Variants in CNTNAP2 observed in about 807,000 individuals in gnomAD.
The protein encoded by CNTNAP2 is contactin-associated protein-like 2.
A neutral mutation model predicts 155.2 loss-of-function variants in CNTNAP2; 98 were observed. That is an observed-to-expected ratio of 0.63 (90% CI 0.54 to 0.75). The LOEUF is 0.75. Among genes scored for constraint, CNTNAP2 ranks in the 30% least tolerant of loss-of-function variants. CNTNAP2 has a pLI of 0.00. For synonymous variants in CNTNAP2, 651 were observed against 631.2 expected (o/e 1.03, Z -0.47); for missense variants, 1,727 against 1,688.1 (o/e 1.02, Z -0.40).
chr7:146,724,966 C>T (rs920902560), intron 1 of CNTNAP2, among the ~76,000 whole-genome samples: 1 of 152,084 alleles, frequency 6.6e-6, no homozygotes, highest in South Asian at 2.1e-4. Flanking sequence ...TGTATTCTCT[C>T]ACAGTGTGGA....
intron 9 of CNTNAP2, among the ~76,000 whole-genome samples, chr7:147,367,932 G>T (rs1796263462): frequency 6.6e-6 from 1 of 151,738 alleles, no homozygotes; most frequent in South Asian, 2.1e-4. Context: ...GTCCTTCCAG[G>T]CATGGTTGAT....
chr7:147,422,765 A>C (rs1246035352), intron 10 of CNTNAP2, among the ~76,000 whole-genome samples: 1 of 152,192 alleles, frequency 6.6e-6, no homozygotes. Flanking sequence ...AACATATCAG[A>C]GTTACCTCCT....
At chr7:148,351,275 G>A (rs1462598252) in intron 21 of CNTNAP2, among the ~76,000 whole-genome samples, 1 of 152,060 alleles carries the variant, frequency 6.6e-6, no homozygotes, top group Non-Finnish European at 1.5e-5. Context: ...GACCAACTTG[G>A]TTAAGTTGGT....
At chr7:147,081,624 TG>T (rs1800132100) in intron 4 of CNTNAP2, 3 of 151,780 alleles carry the variant, frequency 2.0e-5, no homozygotes, top group African/African-American at 7.4e-5. Context: ...TGTGTGTGTG[TG>T]TGTATTTTTA....
intron 13 of CNTNAP2, among the ~76,000 whole-genome samples, chr7:147,824,546 C>T (rs1287708101): frequency 2.0e-5 from 3 of 152,042 alleles, no homozygotes; most frequent in Non-Finnish European, 4.4e-5. Context: ...TCAGAAGGAA[C>T]GAGTTTTGGC....
intron 15 of CNTNAP2, among the ~76,000 whole-genome samples, chr7:148,058,091 C>G (rs1031347504): frequency 1.3e-5 from 2 of 151,848 alleles, no homozygotes; most frequent in African/African-American, 4.8e-5. Flanking sequence ...GTACTTAAAA[C>G]AAAAACTAGC....
intron 1 of CNTNAP2, among the ~76,000 whole-genome samples, chr7:146,604,790 T>A (rs960167275): frequency 7.0e-6 from 1 of 143,608 alleles, no homozygotes; most frequent in Non-Finnish European, 1.5e-5. Flanking sequence ...TGGATGAAAT[T>A]GGAAATCATC....
intron 13 of CNTNAP2, among the ~76,000 whole-genome samples, chr7:147,674,756 A>G (rs1795841625): frequency 6.6e-6 from 1 of 152,164 alleles, no homozygotes; most frequent in South Asian, 2.1e-4. Context: ...ATAGGTTGTT[A>G]CATTTTTTTC....
chr7:148,388,311 T>C (rs2463236), intron 22 of CNTNAP2, among the ~76,000 whole-genome samples: 47,774 of 115,966 alleles, frequency 0.41, 10,647 homozygotes, highest in East Asian at 0.7. Flanking sequence ...CACCCCACAA[T>C]AGTCCCCAGA....
chr7:147,411,997 T>A (rs1797110998), intron 10 of CNTNAP2, among the ~76,000 whole-genome samples: 1 of 152,208 alleles, frequency 6.6e-6, no homozygotes, highest in African/African-American at 2.4e-5. Context: ...CTCCAAAAAT[T>A]TAAAATATAG....
intron 1 of CNTNAP2, among the ~76,000 whole-genome samples, chr7:146,348,577 C>G (rs920479672): frequency 4.6e-5 from 7 of 151,982 alleles, no homozygotes; most frequent in Admixed American, 6.6e-5. Context: ...TACTTGAAAA[C>G]TTTTCTCTAG....
chr7:148,268,338 T>G (rs1796711728), intron 21 of CNTNAP2, among the ~76,000 whole-genome samples: 1 of 151,330 alleles, frequency 6.6e-6, no homozygotes, highest in South Asian at 2.1e-4. Context: ...AAATGAGGAG[T>G]GAGTAGGAGA....
At chr7:147,172,891 C>A (rs1302076965) in intron 8 of CNTNAP2, among the ~76,000 whole-genome samples, 3 of 152,090 alleles carry the variant, frequency 2.0e-5, no homozygotes, top group Admixed American at 1.3e-4. Context: ...ATATTTAAAC[C>A]CTGCTTCTTT....
chr7:147,357,432 T>A (rs1796082698), intron 9 of CNTNAP2, among the ~76,000 whole-genome samples: 1 of 152,084 alleles, frequency 6.6e-6, no homozygotes, highest in South Asian at 2.1e-4. Flanking sequence ...CTCCTCTTCA[T>A]GGGAAGTCTT....
intron 1 of CNTNAP2, among the ~76,000 whole-genome samples, chr7:146,666,697 G>A (rs1800201376): frequency 6.6e-6 from 1 of 152,162 alleles, no homozygotes. Flanking sequence ...CATCCTAACT[G>A]GGGTCAGATG....
intron 14 of CNTNAP2, among the ~76,000 whole-genome samples, chr7:147,905,312 T>A (rs1390504474): frequency 6.6e-6 from 1 of 152,172 alleles, no homozygotes; most frequent in Non-Finnish European, 1.5e-5. Context: ...GCTGGTTCAT[T>A]GTCCAGGCAG....
intron 1 of CNTNAP2, among the ~76,000 whole-genome samples, chr7:146,334,258 C>T (rs1442473233): frequency 6.6e-5 from 10 of 151,986 alleles, no homozygotes; most frequent in Admixed American, 5.9e-4. Flanking sequence ...GGTGAAACCC[C>T]GTCTCTACTA....
intron 1 of CNTNAP2, among the ~76,000 whole-genome samples, chr7:146,575,185 C>G (rs1798505164): frequency 6.6e-6 from 1 of 152,098 alleles, no homozygotes; most frequent in African/African-American, 2.4e-5. Context: ...GGTGTGATCT[C>G]AGCTCACTGC....
At chr7:148,039,714 T>C (rs1335865201) in intron 15 of CNTNAP2, among the ~76,000 whole-genome samples, 1 of 152,218 alleles carries the variant, frequency 6.6e-6, no homozygotes, top group Non-Finnish European at 1.5e-5. Flanking sequence ...AATATTCATG[T>C]CACTTCTTGA....
Sources: allele counts gnomAD v4.1 joint callset (sites outside exome capture counted in the v4.1 genomes callset), GRCh38; gene constraint gnomAD v4.1.1; transcripts MANE v1.5; gene names NCBI Gene and HGNC (gene_info 2026-07-23, HGNC 2026-07-21).